PTPRD: variants seen among roughly 807,000 people sequenced by gnomAD.
PTPRD encodes the protein receptor-type tyrosine-protein phosphatase delta.
In PTPRD, 34 loss-of-function variants were observed where a neutral mutation model predicts 214.5. The observed-to-expected ratio is 0.16, with a 90% CI of 0.12 to 0.21. PTPRD has a LOEUF of 0.21. Ranked by LOEUF, PTPRD falls within the 10% of genes least tolerant of loss-of-function variation. The pLI, the probability that PTPRD is intolerant of heterozygous loss-of-function variation, is 1.00. For missense variants in PTPRD, 2,545 were observed against 2,398.7 expected (o/e 1.06, Z -1.27); for synonymous variants, 1,128 against 845.7 (o/e 1.33, Z -5.79).
chr9:8,341,133 C>T lies in PTPRD; in HGVS notation c.5083G>A (p.Glu1695Lys), dbSNP rs2132425351. 1.2e-6 allele frequency: 2 copies of T among 1,612,872 alleles called. No homozygotes were observed. Among genetic ancestry groups the T allele is most frequent in the Non-Finnish European group, 1.7e-6 (2 of 1,179,312 alleles). The change falls in exon 41 of 46, where the codon GAA becomes AAA. Residue 1695 changes from glutamate to lysine, a missense_variant. Physicochemically the swap from Glu to Lys is moderately conservative, Grantham distance 56 (BLOSUM62 1). Coordinates refer to ENST00000381196, the MANE Select transcript of PTPRD (RefSeq NM_002839.4). ...RVCLQPIRGV[E>K]GSDYINASFI... is the part of the protein sequence containing the mutation. ...CTGGCATTGATGTAATCAGATCCTT[C>T]TACTCCACGGATAGGCTGCAGGCAT...
chr9:10,047,335 T>TGTGTGTGTGTGTGTGTGC (rs1555512614), intron 3 of PTPRD, among the ~76,000 whole-genome samples: 1 of 149,526 alleles, frequency 6.7e-6, no homozygotes, highest in Admixed American at 6.7e-5. Flanking sequence ...TGTGTGTGTG[T>TGTGTGTGTGTGTGTGTGC]GTGCGTGTGT....
chr9:9,320,232 TA>T, intron 9 of PTPRD, among the ~76,000 whole-genome samples: 1 of 152,274 alleles, frequency 6.6e-6, no homozygotes, highest in Non-Finnish European at 1.5e-5. Context: ...CATGTTTTAA[TA>T]AAAAGGACAC....
intron 3 of PTPRD, among the ~76,000 whole-genome samples, chr9:10,040,406 A>G (rs2097274382): frequency 6.6e-6 from 1 of 152,048 alleles, no homozygotes; most frequent in Non-Finnish European, 1.5e-5. Context: ...CTTCTGCCCA[A>G]ACTACATACT....
intron 10 of PTPRD, among the ~76,000 whole-genome samples, chr9:9,173,968 A>C (rs1188197735): frequency 6.6e-6 from 1 of 152,186 alleles, no homozygotes; most frequent in African/African-American, 2.4e-5. Flanking sequence ...AAAGAATTGC[A>C]AATGCCTCAG....
chr9:9,665,636 C>T (rs987902387), intron 7 of PTPRD, among the ~76,000 whole-genome samples: 1 of 151,694 alleles, frequency 6.6e-6, no homozygotes, highest in Non-Finnish European at 1.5e-5. Flanking sequence ...GAGGTTCATT[C>T]TCTCTCAGCT....
intron 9 of PTPRD, among the ~76,000 whole-genome samples, chr9:9,237,308 T>TAATCCCAG (rs2099967439): frequency 6.6e-6 from 1 of 152,134 alleles, no homozygotes; most frequent in Admixed American, 6.5e-5. Flanking sequence ...CACACACTTG[T>TAATCCCAG]AATCCCAGTA....
rs774579667 is a variant in PTPRD, at chr9:9,789,796, C to CAAAAAAAAA, written c.-367-22954_-367-22946dup. ...TGGGCAACAGAGCCAAACTCTGTCT[C>CAAAAAAAAA]AAAAAAAAAAAAAAAAAAAAAAAAA... On this transcript the variant is annotated intron_variant, in intron 5 of 45. Transcript: ENST00000381196. 4.2e-4 allele frequency among the ~76,000 whole-genome samples: 17 copies of CAAAAAAAAA among 40,820 alleles called. 1 individual carries two copies. Among genetic ancestry groups the CAAAAAAAAA allele is most frequent in the African/African-American group, 1.1e-3 (14 of 12,322 alleles). 26.8% of individuals were successfully genotyped at this position (40,820 alleles called of 152,430 possible). A position where few individuals can be genotyped will look rare whatever the true frequency, so the allele number is the denominator to read the frequency against.
chr9:10,208,240 C>T (rs2057472), intron 3 of PTPRD, among the ~76,000 whole-genome samples: 5 of 152,116 alleles, frequency 3.3e-5, no homozygotes, highest in East Asian at 3.9e-4. Flanking sequence ...CGCGGCGGGG[C>T]GCGGTGGCTC....
At chr9:9,427,822 C>T (rs201141080) in intron 8 of PTPRD, among the ~76,000 whole-genome samples, 98 of 152,060 alleles carry the variant, frequency 6.4e-4, no homozygotes, top group African/African-American at 2.1e-3. Context: ...AAGCTTCATA[C>T]GTGAAAGAGA....
intron 2 of PTPRD, among the ~76,000 whole-genome samples, chr9:10,585,529 A>G (rs563153451): frequency 3.2e-4 from 49 of 152,124 alleles, no homozygotes; most frequent in Non-Finnish European, 5.9e-4. Flanking sequence ...CAGGGCTGAA[A>G]ATTTGGTGGG....
At chr9:9,229,673 T>C (rs73388868) in intron 9 of PTPRD, among the ~76,000 whole-genome samples, 10,357 of 152,116 alleles carry the variant, frequency 0.068, 407 homozygotes, top group African/African-American at 0.096. Flanking sequence ...AAGACTATCT[T>C]AGGAGAGACA....
At chr9:8,901,695 T>C (rs2098670243) in intron 11 of PTPRD, among the ~76,000 whole-genome samples, 1 of 152,192 alleles carries the variant, frequency 6.6e-6, no homozygotes, top group Non-Finnish European at 1.5e-5. Flanking sequence ...TAGTGTATCC[T>C]AAATCAGAAA....
intron 11 of PTPRD, among the ~76,000 whole-genome samples, chr9:8,754,243 A>C (rs1267363279): frequency 6.6e-6 from 1 of 152,232 alleles, no homozygotes; most frequent in East Asian, 1.9e-4. Flanking sequence ...TATTCTTGTG[A>C]AATAGAAAAA....
At chr9:9,719,500 C>G (rs1221106795) in intron 7 of PTPRD, among the ~76,000 whole-genome samples, 4 of 152,188 alleles carry the variant, frequency 2.6e-5, no homozygotes, top group Non-Finnish European at 4.4e-5. Context: ...TCATAGCCCT[C>G]CTGCCCTCTG....
Position 8,926,986 on chromosome 9 carries a change from G to A in PTPRD, c.-104+91711C>T, listed in dbSNP as rs867565474. Among the ~76,000 whole-genome samples the A allele has an allele frequency of 3.3e-5, 5 of 152,146 alleles. No individual in the cohort carries two copies. In the Middle Eastern group the frequency reaches 0.01, roughly 311 times the overall value. On this transcript the variant is annotated intron_variant, in intron 11 of 45. Transcript: ENST00000381196. ...GAGTGTGGAATTTTTGAGCTCAAAG[G>A]GAACTACAAAATCATGTCATCCAAT...
Position 10,258,697 on chromosome 9 carries a change from T to C in PTPRD, c.-545+82266A>G, listed in dbSNP as rs556229867. ...ACCAAATTTGTATGGAGTATACATA[T>C]AGGCACTAGAGTGTGGTTTCAGGTT... is the stretch of plus-strand genomic sequence containing the variant. On this transcript the variant is annotated intron_variant, in intron 3 of 45. Transcript: ENST00000381196. Among the ~76,000 whole-genome samples, 18 of 152,342 alleles carry C rather than the reference T, an allele frequency of 1.2e-4. No individual in the cohort carries two copies. The East Asian group carries it at 3.1e-3, about 26-fold the overall frequency.
chr9:8,830,534 T>G (rs1032131480), intron 11 of PTPRD, among the ~76,000 whole-genome samples: 1 of 152,144 alleles, frequency 6.6e-6, no homozygotes, highest in East Asian at 1.9e-4. Context: ...TCAAGCACAA[T>G]TAAGTGCTCT....
intron 3 of PTPRD, among the ~76,000 whole-genome samples, chr9:10,048,690 A>G (rs1381129894): frequency 6.6e-6 from 1 of 152,098 alleles, no homozygotes; most frequent in Non-Finnish European, 1.5e-5. Flanking sequence ...GTAGTTTCCT[A>G]TAACTTTTCA....
chr9:9,731,337 T>C (rs1161225316), intron 7 of PTPRD, among the ~76,000 whole-genome samples: 1 of 152,188 alleles, frequency 6.6e-6, no homozygotes, highest in Non-Finnish European at 1.5e-5. Flanking sequence ...CACTCAGTTT[T>C]GTAGAGTGTA....
Sources: gnomAD v4.1 joint callset for allele counts (sites outside exome capture counted in the v4.1 genomes callset) on GRCh38, gnomAD v4.1.1 for gene constraint, MANE v1.5 for transcripts, NCBI Gene and HGNC (gene_info 2026-07-23, HGNC 2026-07-21) for gene names.